Variants in CTNNA3 observed in about 807,000 individuals in gnomAD.
CTNNA3 encodes the protein catenin alpha 3, also known as catenin alpha-3.
In CTNNA3, 76 loss-of-function variants were observed where a neutral mutation model predicts 95.7. That is an observed-to-expected ratio of 0.79 (90% CI 0.66 to 0.96). The LOEUF (loss-of-function observed/expected upper bound fraction) is 0.96, where lower values mean the gene tolerates loss of function less well. Among genes scored for constraint, CTNNA3 ranks in the 40% least tolerant of loss-of-function variants. The probability of loss-of-function intolerance (pLI) is 0.00; values close to 1 mark genes in which losing one functional copy is unlikely to be tolerated. For synonymous variants in CTNNA3, 431 were observed against 374.4 expected (o/e 1.15, Z -1.74); for missense variants, 1,191 against 1,089.8 (o/e 1.09, Z -1.31).
At chr10:66,704,073 C>A (rs1848040118) in intron 9 of CTNNA3, among the ~76,000 whole-genome samples, 1 of 152,076 alleles carries the variant, frequency 6.6e-6, no homozygotes, top group African/African-American at 2.4e-5. Context: ...CATTAAGTGA[C>A]AAGTGTTCAC....
intron 7 of CTNNA3, among the ~76,000 whole-genome samples, chr10:66,869,572 C>T (rs530605489): frequency 7.9e-5 from 12 of 151,808 alleles, no homozygotes; most frequent in African/African-American, 2.9e-4. Context: ...GACTTTGTCT[C>T]AATACATTAA....
chr10:66,307,998 C>A (rs533085969), intron 12 of CTNNA3, among the ~76,000 whole-genome samples: 1 of 152,272 alleles, frequency 6.6e-6, no homozygotes, highest in South Asian at 2.1e-4. Context: ...TGCCATACTG[C>A]CACCCTAATT....
At chr10:66,724,401 G>A (rs1176703870) in intron 9 of CTNNA3, among the ~76,000 whole-genome samples, 4 of 152,088 alleles carry the variant, frequency 2.6e-5, no homozygotes, top group African/African-American at 9.7e-5. Context: ...ATGCCCACAG[G>A]GAATACGCCA....
chr10:67,648,485 C>A (rs1287229317), intron 1 of CTNNA3, among the ~76,000 whole-genome samples: 2 of 152,194 alleles, frequency 1.3e-5, no homozygotes, highest in East Asian at 3.9e-4. Flanking sequence ...CCCAGGGCCC[C>A]ATTTGCCCCT....
chr10:66,708,225 C>CAA (rs386371664), intron 9 of CTNNA3, among the ~76,000 whole-genome samples: 4,521 of 124,290 alleles, frequency 0.036, 183 homozygotes, highest in East Asian at 0.24. Context: ...CCAATGCTGC[C>CAA]AAAAAAAAAA....
chr10:66,042,890 A>C (rs1330220230), intron 15 of CTNNA3, among the ~76,000 whole-genome samples: 1 of 120,624 alleles, frequency 8.3e-6, no homozygotes, highest in Non-Finnish European at 1.7e-5. Context: ...ACTGAGCGAG[A>C]CTCTGTCTCA....
At chr10:67,346,998 T>C (rs1422135099) in intron 5 of CTNNA3, among the ~76,000 whole-genome samples, 1 of 152,062 alleles carries the variant, frequency 6.6e-6, no homozygotes, top group African/African-American at 2.4e-5. Context: ...ATTATGAGAA[T>C]TTTTTTATTA....
At position 67,331,968 on chromosome 10, in the gene CTNNA3, A is replaced by G. The variant is rs114023924; in HGVS notation, c.580-112098T>C. Among the ~76,000 whole-genome samples, 436 of 152,302 alleles carry G rather than the reference A, an allele frequency of 2.9e-3. 1 individual carries two copies. Among genetic ancestry groups the G allele is most frequent in the African/African-American group, 9.8e-3 (409 of 41,562 alleles). Reference sequence around the variant, plus strand: ...ATGAGAGAATATATAGCCATTCTCAATAAAAGCAACTGGGATTCCACAAAC... The same window carrying G: ...ATGAGAGAATATATAGCCATTCTCAGTAAAAGCAACTGGGATTCCACAAAC... On this transcript the variant is annotated intron_variant, in intron 5 of 17. Coordinates refer to ENST00000433211, the MANE Select transcript of CTNNA3 (RefSeq NM_013266.4).
intron 7 of CTNNA3, among the ~76,000 whole-genome samples, chr10:66,828,385 T>A (rs1365600084): frequency 6.6e-6 from 1 of 152,206 alleles, no homozygotes; most frequent in Non-Finnish European, 1.5e-5. Context: ...TTATTCTTTA[T>A]GCTCCAATTG....
chr10:67,542,924 T>C (rs1840727179), intron 3 of CTNNA3, among the ~76,000 whole-genome samples: 2 of 152,180 alleles, frequency 1.3e-5, no homozygotes, highest in Non-Finnish European at 2.9e-5. Context: ...ATCTATGTTT[T>C]ATAAAGTCTA....
chr10:67,760,514 T>C (rs1198890808), intron 1 of CTNNA3, among the ~76,000 whole-genome samples: 2 of 152,190 alleles, frequency 1.3e-5, no homozygotes, highest in African/African-American at 2.4e-5. Context: ...AGAGTGCACT[T>C]ACACTAACCT....
rs1564895690 is a variant in CTNNA3, at chr10:66,360,596, C to CTTCTTTCTTTTTCT, written c.1732+18555_1732+18556insAGAAAAAGAAAGAA. Among the ~76,000 whole-genome samples the CTTCTTTCTTTTTCT allele has an allele frequency of 1.8e-3, 170 of 94,170 alleles. 14 individuals are homozygous for CTTCTTTCTTTTTCT. Among genetic ancestry groups the CTTCTTTCTTTTTCT allele is most frequent in the Non-Finnish European group, 3.0e-3 (119 of 39,468 alleles). The allele number at this position is 94,170 out of a possible 152,430, so 61.8% of individuals were successfully genotyped here. A position where few individuals can be genotyped will look rare whatever the true frequency, so the allele number is the denominator to read the frequency against. On this transcript the variant is annotated intron_variant, in intron 12 of 17. Transcript: ENST00000433211. ...AGGCTTACCTCTAATGTATTCTTTC[C>CTTCTTTCTTTTTCT]TTCTTTCTTTCTTTCTTTCTTTCTT...
intron 7 of CTNNA3, among the ~76,000 whole-genome samples, chr10:67,166,584 T>A (rs1861778200): frequency 6.6e-6 from 1 of 152,178 alleles, no homozygotes; most frequent in Admixed American, 6.5e-5. Context: ...TAACATCAGT[T>A]TTGGATTCTT....
intron 5 of CTNNA3, among the ~76,000 whole-genome samples, chr10:67,456,022 G>A (rs1417707919): frequency 6.6e-6 from 1 of 152,104 alleles, no homozygotes; most frequent in Non-Finnish European, 1.5e-5. Flanking sequence ...TGTACTATCT[G>A]TAATTTTTCT....
At chr10:66,339,200 ATC>A (rs1231842287) in intron 12 of CTNNA3, among the ~76,000 whole-genome samples, 1 of 152,046 alleles carries the variant, frequency 6.6e-6, no homozygotes, top group East Asian at 1.9e-4. Context: ...TTTAAAATTA[ATC>A]TCTGTTATTA....
At chr10:66,419,253 C>A (rs200854375) in intron 11 of CTNNA3, among the ~76,000 whole-genome samples, 2 of 1,196 alleles carry the variant, frequency 1.7e-3, no homozygotes, top group Admixed American at 0.02. Context: ...AAAGAAAAAG[C>A]AAAACAAAAA....
intron 2 of CTNNA3, among the ~76,000 whole-genome samples, chr10:67,642,885 A>C (rs1839583961): frequency 6.6e-6 from 1 of 152,098 alleles, no homozygotes; most frequent in African/African-American, 2.4e-5. Flanking sequence ...TATGTAAATT[A>C]GTTCAAACAT....
At chr10:66,026,839 A>G (rs888765538) in intron 15 of CTNNA3, among the ~76,000 whole-genome samples, 6 of 152,162 alleles carry the variant, frequency 3.9e-5, no homozygotes, top group African/African-American at 1.4e-4. Context: ...GTTGAGCTCT[A>G]ATATAATCAG....
chr10:67,584,568 T>C (rs1270391620), intron 3 of CTNNA3, among the ~76,000 whole-genome samples: 1 of 152,208 alleles, frequency 6.6e-6, no homozygotes, highest in Non-Finnish European at 1.5e-5. Context: ...AACTCTGTGC[T>C]GGGAGAACCA....
Sources: allele counts gnomAD v4.1 joint callset (sites outside exome capture counted in the v4.1 genomes callset), GRCh38; gene constraint gnomAD v4.1.1; transcripts MANE v1.5; gene names NCBI Gene and HGNC (gene_info 2026-07-23, HGNC 2026-07-21).